FGF2: variants seen among roughly 807,000 people sequenced by gnomAD.
FGF2 encodes basic fibroblast growth factor bFGF.
In FGF2, 13 loss-of-function variants were observed where a neutral mutation model predicts 15.9. The ratio of observed to expected loss-of-function variants is 0.82; its 90% CI spans 0.53 to 1.30. The LOEUF (loss-of-function observed/expected upper bound fraction) is 1.30, where lower values mean the gene tolerates loss of function less well. FGF2 is among the 50% of genes most tolerant of loss of function. The pLI, the probability that FGF2 is intolerant of heterozygous loss-of-function variation, is 0.00. For synonymous variants in FGF2, 90 were observed against 78.4 expected (o/e 1.15, Z -0.78); for missense variants, 163 against 196.9 (o/e 0.83, Z 1.03).
intron 2 of FGF2, among the ~76,000 whole-genome samples, chr4:122,886,977 T>G (rs1421953759): frequency 6.6e-6 from 1 of 152,182 alleles, no homozygotes; most frequent in African/African-American, 2.4e-5. Context: ...AGCCTGGGTA[T>G]ATACATGTAT....
chr4:122,881,903 T>TA (rs1726966663), intron 2 of FGF2: 1 of 156,042 alleles, frequency 6.4e-6, no homozygotes, highest in Admixed American at 6.5e-5. Flanking sequence ...TAATTGGACT[T>TA]ACAGTTCCAC....
chr4:122,859,082 C>A (rs1191244548), intron 1 of FGF2, among the ~76,000 whole-genome samples: 1 of 152,208 alleles, frequency 6.6e-6, no homozygotes, highest in African/African-American at 2.4e-5. Context: ...TAGTATTAGA[C>A]AACTGCTTTC....
At chr4:122,891,666 A>G (rs1002045917) in intron 2 of FGF2, among the ~76,000 whole-genome samples, 11 of 152,194 alleles carry the variant, frequency 7.2e-5, no homozygotes, top group Non-Finnish European at 1.5e-4. Context: ...TAGCCACTTA[A>G]AACTTTTTGT....
At chr4:122,857,008 G>T (rs147772781) in intron 1 of FGF2, among the ~76,000 whole-genome samples, 31 of 152,196 alleles carry the variant, frequency 2.0e-4, no homozygotes, top group Non-Finnish European at 4.4e-4. Flanking sequence ...TGGAAGCCAG[G>T]TATTTATAGA....
At chr4:122,892,135 A>C in intron 2 of FGF2, 76 bp from the exon 3 acceptor site, 1 of 1,255,202 alleles carries the variant, frequency 8.0e-7, no homozygotes, top group Non-Finnish European at 1.1e-6. Context: ...GCATTATACT[A>C]TCATAAATAT....
chr4:122,860,447 C>CTTTTTTTTTTTTT (rs34541038), intron 1 of FGF2, among the ~76,000 whole-genome samples: 1 of 90,918 alleles, frequency 1.1e-5, no homozygotes, highest in Non-Finnish European at 2.0e-5. Context: ...CTAAGGTTAA[C>CTTTTTTTTTTTTT]TTTTTTTTTT....
rs758749511 is a variant in FGF2, at chr4:122,827,243, C to T, written c.69C>T (p.Pro23=). ...PEDGGSGAFP[P]GHFKDPKRLY... ...ATGGCGGCAGCGGCGCCTTCCCGCC[C>T]GGCCACTTCAAGGACCCCAAGCGGC... Residue 23 remains proline (P), a synonymous_variant, in exon 1 of 3, where the codon CCC becomes CCT. Coordinates refer to ENST00000644866, the MANE Select transcript of FGF2 (RefSeq NM_001361665.2). This position sits in a 1 kb window ranked among gnomAD's most constrained non-coding sequence, Gnocchi z 4.2. 3.1e-6 allele frequency: 5 copies of T among 1,612,028 alleles called. No homozygotes were observed. Among genetic ancestry groups the T allele is most frequent in the African/African-American group, 1.3e-5 (1 of 74,898 alleles).
intron 1 of FGF2, among the ~76,000 whole-genome samples, chr4:122,830,141 T>C (rs1369991628): frequency 1.3e-5 from 2 of 152,232 alleles, no homozygotes; most frequent in South Asian, 4.1e-4. Flanking sequence ...CAGGTAACTT[T>C]TGAAAGGCCA....
chr4:122,892,160 GTAA>G lies in FGF2; in HGVS notation c.283-40_283-38del, dbSNP rs767508880. ...ATCATAAATATTTAATATGAAAAGT[GTAA>G]TAATAATAATGATAATAATAACAGG... On this transcript the variant is annotated intron_variant, in intron 2 of 2. Coordinates refer to ENST00000644866, the MANE Select transcript of FGF2 (RefSeq NM_001361665.2). The G allele has an allele frequency of 5.2e-5, 72 of 1,384,918 alleles. 1 individual carries two copies. Among genetic ancestry groups the G allele is most frequent in the African/African-American group, 4.4e-5 (3 of 68,960 alleles). 85.8% of individuals were successfully genotyped at this position (1,384,918 alleles called of 1,614,324 possible). A position where few individuals can be genotyped will look rare whatever the true frequency, so the allele number is the denominator to read the frequency against.
At chr4:122,877,792 T>C (rs1000798507) in intron 2 of FGF2, among the ~76,000 whole-genome samples, 1 of 152,202 alleles carries the variant, frequency 6.6e-6, no homozygotes, top group African/African-American at 2.4e-5. Context: ...TGAAATTTCT[T>C]CTGAATGAAG....
At chr4:122,888,995 A>G (rs1560759190) in intron 2 of FGF2, 1 of 152,190 alleles carries the variant, frequency 6.6e-6, no homozygotes, top group African/African-American at 2.4e-5. Context: ...GAGTAAGTGT[A>G]TTATTTAAAC....
At chr4:122,830,254 C>T (rs1725733795) in intron 1 of FGF2, among the ~76,000 whole-genome samples, 2 of 152,234 alleles carry the variant, frequency 1.3e-5, no homozygotes, top group Non-Finnish European at 2.9e-5. Context: ...GGGAGGGATG[C>T]TTTGAAGACT....
intron 2 of FGF2, among the ~76,000 whole-genome samples, chr4:122,879,096 C>G (rs1726912593): frequency 1.3e-5 from 2 of 152,098 alleles, no homozygotes; most frequent in South Asian, 4.1e-4. Flanking sequence ...ATGCAGTTTC[C>G]TAGGTAAAGA....
At chr4:122,841,842 C>G (rs1725990969) in intron 1 of FGF2, among the ~76,000 whole-genome samples, 1 of 152,176 alleles carries the variant, frequency 6.6e-6, no homozygotes, top group African/African-American at 2.4e-5. Flanking sequence ...TTGGAAGATA[C>G]TGCAGGAAGT....
rs778637631 is a variant in FGF2, at chr4:122,876,328, A to G, written c.186A>G (p.Leu62=). The G allele has an allele frequency of 1.2e-6, 2 of 1,607,720 alleles. No individual in the cohort carries two copies. The highest frequency in any genetic ancestry group is 1.7e-5 in the Admixed American group (1 of 59,978). ...TTTTTTTTCCCGTTACAGTCAAGCT[A>G]CAACTTCAAGCAGAAGAGAGAGGAG... ...VREKSDPHIK[L]QLQAEERGVV... is the part of the protein sequence containing the mutation. Residue 62 remains leucine, a synonymous_variant, in exon 2 of 3, where the codon CTA becomes CTG. Transcript: ENST00000644866.
rs774001782 is a variant in FGF2, at chr4:122,893,225, C to G, written c.*829C>G. 6.3e-7 allele frequency: 1 copy of G among 1,587,068 alleles called. No individual in the cohort carries two copies. Among genetic ancestry groups the G allele is most frequent in the Non-Finnish European group, 8.6e-7 (1 of 1,166,920 alleles). On this transcript the variant is annotated 3_prime_UTR_variant, in exon 3 of 3. Coordinates refer to ENST00000644866, the MANE Select transcript of FGF2 (RefSeq NM_001361665.2). ...AAAAACTTCTCGAACCGCTGTGTCTCCTACGTAAAAAAAGAGATGTACAAA... is the reference window on the plus strand; with the variant it reads ...AAAAACTTCTCGAACCGCTGTGTCTGCTACGTAAAAAAAGAGATGTACAAA...
chr4:122,879,823 A>G (rs1375000653), intron 2 of FGF2, among the ~76,000 whole-genome samples: 1 of 152,174 alleles, frequency 6.6e-6, no homozygotes. Context: ...CTATCACAAG[A>G]ACAGCATGGG....
In FGF2 at chr4:122,880,498, T is replaced by G. The variant is rs919453806; in HGVS notation, c.282+4074T>G. Among the ~76,000 whole-genome samples the G allele has an allele frequency of 2.6e-5, 4 of 152,206 alleles. No homozygotes were observed. The South Asian group carries it at 8.3e-4, about 32-fold the overall frequency. Reference sequence around the variant, plus strand: ...CTCCCAACCTCGTGATCTTCCCCCCTTGGCCTCCCAAAGTGCTGGGATTAC... The same window carrying G: ...CTCCCAACCTCGTGATCTTCCCCCCGTGGCCTCCCAAAGTGCTGGGATTAC... On this transcript the variant is annotated intron_variant, in intron 2 of 2. Coordinates refer to ENST00000644866, the MANE Select transcript of FGF2 (RefSeq NM_001361665.2).
chr4:122,859,108 C>G (rs4495052), intron 1 of FGF2, among the ~76,000 whole-genome samples: 16,223 of 152,038 alleles, frequency 0.11, 1,357 homozygotes, highest in African/African-American at 0.23. Flanking sequence ...ATCTTAGTAC[C>G]CTAAATTGAG....
Sources: gnomAD v4.1 joint callset for allele counts (sites outside exome capture counted in the v4.1 genomes callset) on GRCh38, gnomAD v4.1.1 for gene constraint, Gnocchi (gnomAD v3.1) non-coding constraint, MANE v1.5 for transcripts, NCBI Gene and HGNC (gene_info 2026-07-23, HGNC 2026-07-21) for gene names.